The following IQCM variants were observed in gnomAD, a reference collection of about 807,000 sequenced individuals.
IQCM encodes IQ domain-containing protein M.
IQCM carries 45 observed loss-of-function variants against 57.6 expected under a neutral mutation model. The ratio of observed to expected loss-of-function variants is 0.78; its 90% confidence interval spans 0.62 to 1.00. The LOEUF (loss-of-function observed/expected upper bound fraction) is 1.00, where lower values mean the gene tolerates loss of function less well. Among genes scored for constraint, IQCM ranks in the 50% least tolerant of loss-of-function variants. The pLI is 0.00. For missense variants in IQCM, 468 were observed against 511.6 expected, an observed-to-expected ratio of 0.91 and a Z score of 0.82; for synonymous variants, 148 against 158.9, an observed-to-expected ratio of 0.93 and a Z score of 0.51.
intron 2 of IQCM, among the ~76,000 whole-genome samples, chr4:149,755,658 T>C (rs1374376725): frequency 2.0e-5 from 3 of 152,154 alleles, no homozygotes; most frequent in Admixed American, 2.0e-4. Context: ...CTATTTAACA[T>C]ACAATATATA....
At chr4:149,458,436 A>G (rs975237935) in intron 12 of IQCM, among the ~76,000 whole-genome samples, 8 of 152,132 alleles carry the variant, frequency 5.3e-5, no homozygotes, top group African/African-American at 1.4e-4. Flanking sequence ...GTAAAAGACA[A>G]TAAGAAATAA....
At chr4:149,440,959 G>A (rs533258989) in intron 12 of IQCM, among the ~76,000 whole-genome samples, 8 of 151,828 alleles carry the variant, frequency 5.3e-5, no homozygotes, top group Non-Finnish European at 7.4e-5. Flanking sequence ...ATTTATAAAT[G>A]GAATAATTTA....
chr4:149,355,711 C>CA (rs1728923648), intron 13 of IQCM, among the ~76,000 whole-genome samples: 1 of 152,040 alleles, frequency 6.6e-6, no homozygotes, highest in Non-Finnish European at 1.5e-5. Context: ...CATATGTGTG[C>CA]ATGTGTCTTT....
intron 12 of IQCM, among the ~76,000 whole-genome samples, chr4:149,500,133 C>T (rs1267466597): frequency 6.6e-6 from 1 of 152,076 alleles, no homozygotes; most frequent in Non-Finnish European, 1.5e-5. Context: ...TGTTCAATGA[C>T]CTTTCATTTA....
At chr4:149,522,461 A>G (rs1435284689) in intron 12 of IQCM, among the ~76,000 whole-genome samples, 1 of 152,252 alleles carries the variant, frequency 6.6e-6, no homozygotes, top group Non-Finnish European at 1.5e-5. Flanking sequence ...GTAAGAAAAC[A>G]TACCATTAAA....
At chr4:149,365,668 T>C (rs572815327) in intron 13 of IQCM, among the ~76,000 whole-genome samples, 2 of 152,276 alleles carry the variant, frequency 1.3e-5, no homozygotes, top group East Asian at 1.9e-4. Flanking sequence ...CCCACTGATA[T>C]GATGAGGACA....
chr4:149,612,631 G>A (rs567899685), intron 8 of IQCM, among the ~76,000 whole-genome samples: 4 of 152,044 alleles, frequency 2.6e-5, no homozygotes, highest in East Asian at 1.9e-4. Context: ...CAAAAAAAGC[G>A]GGTTTTTTTG....
intron 13 of IQCM, among the ~76,000 whole-genome samples, chr4:149,387,072 T>C (rs924479303): frequency 1.3e-5 from 2 of 152,036 alleles, no homozygotes; most frequent in African/African-American, 4.8e-5. Context: ...CAACATACCA[T>C]AGATTGTGTA....
chr4:149,626,799 T>C (rs1447894719), intron 7 of IQCM, among the ~76,000 whole-genome samples: 3 of 152,028 alleles, frequency 2.0e-5, no homozygotes, highest in African/African-American at 2.4e-5. Flanking sequence ...CAATTTGCAA[T>C]TGAGGAGAAA....
intron 7 of IQCM, among the ~76,000 whole-genome samples, chr4:149,680,881 T>TA (rs1762127117): frequency 6.6e-6 from 1 of 151,364 alleles, no homozygotes; most frequent in Admixed American, 6.6e-5. Context: ...CTAGCTCCTG[T>TA]ATATAAGCTC....
intron 5 of IQCM, among the ~76,000 whole-genome samples, chr4:149,712,346 TCA>T (rs35704697): frequency 0.1 from 14,701 of 147,266 alleles, 1,720 homozygotes; most frequent in African/African-American, 0.29. Flanking sequence ...CTGTCAATGT[TCA>T]CACACACACA....
intron 13 of IQCM, among the ~76,000 whole-genome samples, chr4:149,360,719 T>A (rs975100175): frequency 1.1e-4 from 16 of 152,228 alleles, no homozygotes; most frequent in African/African-American, 3.9e-4. Context: ...ATTCACCTCA[T>A]GCCATGATTC....
Position 149,764,202 on chromosome 4 carries a change from C to T in IQCM, c.-48-21463G>A, listed in dbSNP as rs114486080. 4.3e-3 allele frequency among the ~76,000 whole-genome samples: 654 copies of T among 152,244 alleles called. 5 individuals are homozygous for T. Among genetic ancestry groups the T allele is most frequent in the African/African-American group, 0.015 (623 of 41,548 alleles). On this transcript the variant is annotated intron_variant, in intron 2 of 13. Transcript: ENST00000636793. ...GTCTAACCTTGTCTTATTTCACCCC[C>T]AAGCACTGGGAGAGAATCTCTTTGG...
chr4:149,546,611 A>C (rs1459120569), intron 12 of IQCM, among the ~76,000 whole-genome samples: 1 of 152,176 alleles, frequency 6.6e-6, no homozygotes, highest in Non-Finnish European at 1.5e-5. Context: ...GGCTGCAGAA[A>C]TGTCTTCTTT....
At chr4:149,545,057 T>G (rs946582988) in intron 12 of IQCM, among the ~76,000 whole-genome samples, 1 of 151,780 alleles carries the variant, frequency 6.6e-6, no homozygotes, top group South Asian at 2.1e-4. Flanking sequence ...CAAAAAACAG[T>G]TGGGCACAGT....
chr4:149,456,770 G>A (rs564626851), intron 12 of IQCM, among the ~76,000 whole-genome samples: 1 of 152,172 alleles, frequency 6.6e-6, no homozygotes, highest in South Asian at 2.1e-4. Flanking sequence ...TCAGAAGGAC[G>A]AAAGAAGGTC....
chr4:149,472,609 T>A (rs1739698354), intron 12 of IQCM, among the ~76,000 whole-genome samples: 1 of 152,108 alleles, frequency 6.6e-6, no homozygotes, highest in South Asian at 2.1e-4. Context: ...TTCACAGAAT[T>A]GGAAAAAACT....
Position 149,735,592 on chromosome 4 carries a change from AG to A in IQCM, c.38-135del. The A allele has an allele frequency of 1.0e-5, 4 of 400,106 alleles. No homozygotes were observed. In the East Asian group the frequency reaches 1.5e-4, roughly 15 times the overall value. The allele number at this position is 400,106 out of a possible 1,614,324, so 24.8% of individuals were successfully genotyped here. A position where few individuals can be genotyped will look rare whatever the true frequency, so the allele number is the denominator to read the frequency against. ...TATTTTGCTTTTAAGAAGAAATATA[AG>A]GTTGTAATGGTCAGGTGATAAGATA... On this transcript the variant is annotated intron_variant, in intron 3 of 13. Transcript: ENST00000636793.
intron 7 of IQCM, among the ~76,000 whole-genome samples, chr4:149,649,117 C>T (rs982480544): frequency 6.6e-6 from 1 of 151,996 alleles, no homozygotes; most frequent in African/African-American, 2.4e-5. Context: ...GCCACAACTT[C>T]TAAAGGATTT....
Sources: gnomAD v4.1 joint callset for allele counts (sites outside exome capture counted in the v4.1 genomes callset) on GRCh38, gnomAD v4.1.1 for gene constraint, MANE v1.5 for transcripts, NCBI Gene and HGNC (gene_info 2026-07-23, HGNC 2026-07-21) for gene names.